The following DNMT3A variants were observed in gnomAD, a reference collection of about 807,000 sequenced individuals.
The protein encoded by DNMT3A is DNA (cytosine-5)-methyltransferase 3A.
Under a neutral mutation model 117.6 loss-of-function variants are expected in DNMT3A, and 267 were observed. The observed-to-expected ratio is 2.27, with a 90% confidence interval of 2.05 to 2.51. DNMT3A has a LOEUF of 2.51. Ranked by LOEUF, DNMT3A falls within the 30% of genes most tolerant of loss-of-function variation. The pLI is 0.00. For synonymous variants in DNMT3A, 432 were observed against 474.8 expected (o/e 0.91, Z 1.17); for missense variants, 1,029 against 1,260.2 (o/e 0.82, Z 2.78).
At position 25,252,584 on chromosome 2, in the gene DNMT3A, G is replaced by A. The variant is rs1198358187; in HGVS notation, c.640-4332C>T. Among the ~76,000 whole-genome samples, 1 of 151,694 alleles carries A rather than the reference G, an allele frequency of 6.6e-6. No individual in the cohort carries two copies. Among genetic ancestry groups the A allele is most frequent in the African/African-American group, 2.4e-5 (1 of 41,310 alleles). On this transcript the variant is annotated intron_variant, in intron 6 of 22. Transcript: ENST00000321117. The surrounding 1 kb of genome is among the most constrained non-coding windows in gnomAD (Gnocchi z 5.5). ...GCCCCGCCTTCGGGAAGACCGCCTGGCCCCTCCCCCAGCTCTGGAAGAGAT... is the reference window on the plus strand; with the variant it reads ...GCCCCGCCTTCGGGAAGACCGCCTGACCCCTCCCCCAGCTCTGGAAGAGAT...
At chr2:25,249,389 A>G (rs1226016895) in intron 6 of DNMT3A, among the ~76,000 whole-genome samples, 1 of 152,198 alleles carries the variant, frequency 6.6e-6, no homozygotes, top group African/African-American at 2.4e-5. Context: ...CCCCCAGCAC[A>G]TGCTCAAACA....
rs751950768 is a variant in DNMT3A, at chr2:25,240,424, A to C, written c.2200T>G (p.Phe734Val). 1.2e-6 allele frequency: 2 copies of C among 1,612,090 alleles called. No individual in the cohort carries two copies. The highest frequency in any genetic ancestry group is 1.1e-5 in the South Asian group (1 of 90,786). The change falls in exon 19 of 23, where the codon TTC (phenylalanine) becomes GTC (valine). Residue 734 changes from phenylalanine to valine, a missense_variant. By Grantham distance (50) the Phe-to-Val change is conservative. Transcript: ENST00000321117. ...YEGTGRLFFE[F>V]YRLLHDARPK... is the part of the protein sequence containing the mutation. ...CGCGCATCATGCAGGAGGCGGTAGA[A>C]CTCAAAGAAGAGCCGGCCAGTGCCC...
chr2:25,329,676 CACACACACACACACA>C (rs1558746484), intron 1 of DNMT3A, among the ~76,000 whole-genome samples: 11 of 33,360 alleles, frequency 3.3e-4, no homozygotes, highest in African/African-American at 5.6e-4. Context: ...GCAGACCCCA[CACACACACACACACA>C]CACACACACA....
chr2:25,244,684 C>T (rs750219437), intron 13 of DNMT3A, 32 bp from the exon 14 acceptor site: 1 of 1,596,718 alleles, frequency 6.3e-7, no homozygotes, highest in East Asian at 2.2e-5. Context: ...CAGAAACCAC[C>T]AGGACGGGTC....
chr2:25,296,665 C>T lies in DNMT3A; in HGVS notation c.177+3474G>A, dbSNP rs949467098. 3.9e-5 allele frequency among the ~76,000 whole-genome samples: 6 copies of T among 152,220 alleles called. No homozygotes were observed. Among genetic ancestry groups the T allele is most frequent in the African/African-American group, 1.4e-4 (6 of 41,462 alleles). On this transcript the variant is annotated intron_variant, in intron 3 of 22. Coordinates refer to ENST00000321117, the MANE Select transcript of DNMT3A (RefSeq NM_022552.5). The surrounding 1 kb of genome is among the most constrained non-coding windows in gnomAD (Gnocchi z 4.2). The stretch of plus-strand genomic sequence containing the variant: ...GAAAGTGTTTGTCGTGAAGGGAGCA[C>T]ACTGGCCTGGGCATGCAAGGGGCAG...
intron 6 of DNMT3A, among the ~76,000 whole-genome samples, chr2:25,273,102 G>A (rs1444514022): frequency 6.6e-6 from 1 of 151,004 alleles, no homozygotes; most frequent in Non-Finnish European, 1.5e-5. Context: ...AGTCTCCTGA[G>A]TAGCTGGGAT....
At chr2:25,245,145 C>T (rs1295127013) in intron 13 of DNMT3A, 108 bp downstream of exon 13, 26 of 1,035,840 alleles carry the variant, frequency 2.5e-5, no homozygotes, top group African/African-American at 4.7e-5. Context: ...CTACATCACA[C>T]GCACACCGGG....
intron 1 of DNMT3A, among the ~76,000 whole-genome samples, chr2:25,317,141 A>G (rs554714291): frequency 6.6e-6 from 1 of 151,986 alleles, no homozygotes; most frequent in Admixed American, 6.5e-5. Flanking sequence ...ATGCAGCCTC[A>G]AACTCCTGGG....
In DNMT3A at chr2:25,252,054, C is replaced by T; in HGVS notation, c.640-3802G>A. On this transcript the variant is annotated intron_variant, in intron 6 of 22. Transcript: ENST00000321117. The surrounding 1 kb of genome is among the most constrained non-coding windows in gnomAD (Gnocchi z 5.5). ...TAAGTCAGCATCTCCAGAACTCGGG[C>T]CAGGCCGGGACGCCGCGGCTGCTGC... 6 of 1,155,340 alleles carry T rather than the reference C, an allele frequency of 5.2e-6. No homozygotes were observed. The highest frequency in any genetic ancestry group is 1.6e-5 in the South Asian group (1 of 63,910). The allele number at this position is 1,155,340 out of a possible 1,614,324, so 71.6% of individuals were successfully genotyped here.
chr2:25,308,323 G>C lies in DNMT3A; in HGVS notation c.72+5590C>G, dbSNP rs560533175. On this transcript the variant is annotated intron_variant, in intron 2 of 22. Transcript: ENST00000321117. ...CAAGCCAACTAGGAGCTGTTTTCCTGCTCACAGCCATGTTTCCAAGTCACG... is the reference window on the plus strand; with the variant it reads ...CAAGCCAACTAGGAGCTGTTTTCCTCCTCACAGCCATGTTTCCAAGTCACG... Among the ~76,000 whole-genome samples, 4 of 152,242 alleles carry C rather than the reference G, an allele frequency of 2.6e-5. No homozygotes were observed. The South Asian group carries it at 8.3e-4, about 32-fold the overall frequency.
Position 25,283,011 on chromosome 2 carries a change from C to T in DNMT3A, c.178-300G>A, listed in dbSNP as rs7586220. Among the ~76,000 whole-genome samples the T allele has an allele frequency of 6.7e-3, 1,023 of 152,238 alleles. 7 individuals carry two copies. The highest frequency in any genetic ancestry group is 0.023 in the African/African-American group (961 of 41,516). ...TCAAGGGATCGGCTCCCCCATCCCA[C>T]CGCCACTCACTGAGGTTACATAGGA... On this transcript the variant is annotated intron_variant, in intron 3 of 22. Coordinates refer to ENST00000321117, the MANE Select transcript of DNMT3A (RefSeq NM_022552.5).
intron 3 of DNMT3A, among the ~76,000 whole-genome samples, chr2:25,288,127 T>C (rs1239881453): frequency 6.8e-6 from 1 of 147,520 alleles, no homozygotes; most frequent in Non-Finnish European, 1.5e-5. Context: ...TGAGCCACCA[T>C]GCCTGGCTTA....
chr2:25,302,809 C>T (rs540632172), intron 2 of DNMT3A, among the ~76,000 whole-genome samples: 3 of 152,368 alleles, frequency 2.0e-5, no homozygotes, highest in Admixed American at 1.3e-4. Flanking sequence ...GCTTCTAATC[C>T]GATTCAACCA....
In DNMT3A at chr2:25,244,575, A is replaced by C. The variant is rs1205059658; in HGVS notation, c.1632T>G (p.Arg544=). ...TGTTGTTTCCGCACATGAGCACCTC[A>C]CGGCCCCCACAGCAGATGGTGCAGT... ...QSYCTICCGG[R]EVLMCGNNNC... The change falls in exon 14 of 23, where the codon CGT becomes CGG. Residue 544 remains arginine, a synonymous_variant. Coordinates refer to ENST00000321117, the MANE Select transcript of DNMT3A (RefSeq NM_022552.5). The C allele has an allele frequency of 3.1e-6, 5 of 1,614,054 alleles. No individual in the cohort carries two copies. Among genetic ancestry groups the C allele is most frequent in the South Asian group, 1.1e-5 (1 of 91,088 alleles).
chr2:25,258,280 C>A (rs4665785), intron 6 of DNMT3A, among the ~76,000 whole-genome samples: 1 of 152,140 alleles, frequency 6.6e-6, no homozygotes, highest in Non-Finnish European at 1.5e-5. Context: ...CCCCAAACCT[C>A]GGCCCTGCCC....
chr2:25,314,079 A>G lies in DNMT3A; in HGVS notation c.-95T>C. 1.4e-6 allele frequency: 2 copies of G among 1,442,560 alleles called. No homozygotes were observed. The highest frequency in any genetic ancestry group is 1.8e-6 in the Non-Finnish European group (2 of 1,100,146). The allele number at this position is 1,442,560 out of a possible 1,614,324, so 89.4% of individuals were successfully genotyped here. On this transcript the variant is annotated 5_prime_UTR_variant, in exon 2 of 23. Transcript: ENST00000321117. ...CGTGGTCTTTGGAGGCGAGAGTTAA[A>G]ACTTAAACATAGATCCCGGTGTTGA...
intron 6 of DNMT3A, among the ~76,000 whole-genome samples, chr2:25,271,929 G>A (rs1217888785): frequency 1.3e-5 from 2 of 152,196 alleles, no homozygotes; most frequent in African/African-American, 2.4e-5. Flanking sequence ...GGCAATGGGA[G>A]GTCGTTACAC....
intron 3 of DNMT3A, among the ~76,000 whole-genome samples, chr2:25,284,242 T>C (rs1160969537): frequency 6.6e-6 from 1 of 152,142 alleles, no homozygotes; most frequent in Non-Finnish European, 1.5e-5. Flanking sequence ...GCTCTCAGCA[T>C]CTCAGTTTCC....
rs1287606110 is a variant in DNMT3A, at chr2:25,327,014, C to T, written c.-177-12853G>A. On this transcript the variant is annotated intron_variant, in intron 1 of 22. Transcript: ENST00000321117. This position sits in a 1 kb window ranked among gnomAD's most constrained non-coding sequence, Gnocchi z 4.1. ...GTGGATTTCCAGCAAGTTCTGCCAACATGGCATTACAGAGACGTTGCCATC... is the reference window on the plus strand; with the variant it reads ...GTGGATTTCCAGCAAGTTCTGCCAATATGGCATTACAGAGACGTTGCCATC... 6.6e-6 allele frequency among the ~76,000 whole-genome samples: 1 copy of T among 152,234 alleles called. No homozygotes were observed. The highest frequency in any genetic ancestry group is 2.4e-5 in the African/African-American group (1 of 41,454).
Sources: allele counts gnomAD v4.1 joint callset (sites outside exome capture counted in the v4.1 genomes callset), GRCh38; gene constraint gnomAD v4.1.1; non-coding constraint Gnocchi (gnomAD v3.1); transcripts MANE v1.5; gene names NCBI Gene and HGNC (gene_info 2026-07-23, HGNC 2026-07-21).